CHRM1: variants seen among roughly 807,000 people sequenced by gnomAD.
CHRM1 encodes the protein cholinergic receptor muscarinic 1.
Under a neutral mutation model 31.6 loss-of-function variants are expected in CHRM1, and 5 were observed. The observed-to-expected ratio is 0.16, with a 90% CI of 0.08 to 0.33. The LOEUF (loss-of-function observed/expected upper bound fraction) is 0.33, where lower values mean the gene tolerates loss of function less well. Ranked by LOEUF, CHRM1 falls within the 10% of genes least tolerant of loss-of-function variation. The pLI is 1.00. For synonymous variants in CHRM1, 227 were observed against 249.7 expected, an observed-to-expected ratio of 0.91 and a Z score of 0.86; for missense variants, 338 against 610.3, an observed-to-expected ratio of 0.55 and a Z score of 4.70.
At position 62,910,423 on chromosome 11, in the gene CHRM1, C is replaced by T. The variant is rs2085864448; in HGVS notation, c.678G>A (p.Gln226=). 2 of 1,613,072 alleles carry T rather than the reference C, an allele frequency of 1.2e-6. No homozygotes were observed. The highest frequency in any genetic ancestry group is 2.7e-5 in the African/African-American group (2 of 74,940). ...ENRARELAAL[Q]GSETPGKGGG... ...CCCCTTTGCCTGGCGTCTCGGAGCC[C>T]TGAAGGGCTGCCAGCTCCCGTGCTC... The change falls in exon 2 of 2, where the codon CAG becomes CAA. Residue 226 remains glutamine, a synonymous_variant. Transcript: ENST00000306960. This position sits in a 1 kb window ranked among gnomAD's most constrained non-coding sequence, Gnocchi z 8.7.
intron 1 of CHRM1, among the ~76,000 whole-genome samples, chr11:62,913,594 C>G (rs940015967): frequency 2.0e-5 from 3 of 151,670 alleles, no homozygotes; most frequent in African/African-American, 7.3e-5. Flanking sequence ...TTGCTTGAAC[C>G]CAGGAAGCAG....
intron 1 of CHRM1, among the ~76,000 whole-genome samples, chr11:62,919,047 G>A (rs1292157054): frequency 1.3e-5 from 2 of 151,992 alleles, no homozygotes; most frequent in Non-Finnish European, 2.9e-5. Flanking sequence ...GGGGGCTGTG[G>A]GGTTGGGCAC....
Position 62,910,366 on chromosome 11 carries a change from C to T in CHRM1, c.735G>A (p.Gln245=), listed in dbSNP as rs2085863648. ...GGSSSSSERS[Q]PGAEGSPETP... Reference sequence around the variant, plus strand: ...TCTCTGGTGAGCCCTCAGCCCCTGGCTGAGACCTCTCTGAGCTGCTGCTGC... The same window carrying T: ...TCTCTGGTGAGCCCTCAGCCCCTGGTTGAGACCTCTCTGAGCTGCTGCTGC... Residue 245 remains glutamine, a synonymous_variant, in exon 2 of 2, where the codon CAG becomes CAA. Coordinates refer to ENST00000306960, the MANE Select transcript of CHRM1 (RefSeq NM_000738.3). The surrounding 1 kb of genome is among the most constrained non-coding windows in gnomAD (Gnocchi z 8.7). 1 of 1,609,924 alleles carries T rather than the reference C, an allele frequency of 6.2e-7. No homozygotes were observed. The highest frequency in any genetic ancestry group is 8.5e-7 in the Non-Finnish European group (1 of 1,180,000).
rs2085870097 is a variant in CHRM1, at chr11:62,911,311, C to T, written c.-78-133G>A. The T allele has an allele frequency of 2.3e-5, 13 of 577,598 alleles. No homozygotes were observed. In the South Asian group the frequency reaches 3.0e-4, roughly 13 times the overall value. The allele number at this position is 577,598 out of a possible 1,614,324, so 35.8% of individuals were successfully genotyped here. A position where few individuals can be genotyped will look rare whatever the true frequency, so the allele number is the denominator to read the frequency against. On this transcript the variant is annotated intron_variant, in intron 1 of 1. Coordinates refer to ENST00000306960, the MANE Select transcript of CHRM1 (RefSeq NM_000738.3). ...ATAGCATCACCCTCCCTTACCGGTG[C>T]CCACTCATGGTCATTTATCATGCAC...
rs2085867370 is a variant in CHRM1, at chr11:62,910,924, G to A, written c.177C>T (p.Val59=). ...CCAGGCTCAGCAGGAAGTAGTTATT[G>A]ACTGTCTTGAGCTCCGTGTTGACCT... ...SFKVNTELKT[V]NNYFLLSLAC... The change falls in exon 2 of 2, where the codon GTC becomes GTT. Residue 59 remains valine (V), a synonymous_variant. Coordinates refer to ENST00000306960, the MANE Select transcript of CHRM1 (RefSeq NM_000738.3). The surrounding 1 kb of genome is among the most constrained non-coding windows in gnomAD (Gnocchi z 8.7). 2 of 1,614,078 alleles carry A rather than the reference G, an allele frequency of 1.2e-6. No individual in the cohort carries two copies. Among genetic ancestry groups the A allele is most frequent in the Non-Finnish European group, 1.7e-6 (2 of 1,180,044 alleles).
At chr11:62,914,063 T>C (rs576708188) in intron 1 of CHRM1, among the ~76,000 whole-genome samples, 2 of 152,122 alleles carry the variant, frequency 1.3e-5, no homozygotes, top group Non-Finnish European at 2.9e-5. Context: ...TGCCTCAGCC[T>C]CCTGAGTAGC....
In CHRM1 at chr11:62,909,644, A is replaced by G. The variant is rs1343303751; in HGVS notation, c.*74T>C. The G allele has an allele frequency of 6.5e-7, 1 of 1,527,390 alleles. No homozygotes were observed. Among genetic ancestry groups the G allele is most frequent in the East Asian group, 2.3e-5 (1 of 44,400 alleles). The allele number at this position is 1,527,390 out of a possible 1,614,324, so 94.6% of individuals were successfully genotyped here. ...AGGCCTGAGCAGGGCCCTGGGGCTGAGGATGCAGCCCCTGCCCTCTTCCCA... is the reference window on the plus strand; with the variant it reads ...AGGCCTGAGCAGGGCCCTGGGGCTGGGGATGCAGCCCCTGCCCTCTTCCCA... On this transcript the variant is annotated 3_prime_UTR_variant, in exon 2 of 2. Coordinates refer to ENST00000306960, the MANE Select transcript of CHRM1 (RefSeq NM_000738.3).
intron 1 of CHRM1, among the ~76,000 whole-genome samples, chr11:62,912,061 C>T (rs1469291681): frequency 2.0e-5 from 3 of 152,104 alleles, no homozygotes; most frequent in African/African-American, 7.2e-5. Context: ...CTCAGACACT[C>T]AGTTGCTAGT....
Position 62,910,623 on chromosome 11 carries a change from C to T in CHRM1, c.478G>A (p.Ala160Thr). Residue 160 changes from alanine to threonine, a missense_variant, in exon 2 of 2, where the codon GCC becomes ACC. This residue lies in a region of CHRM1 where 85 missense variants were observed against 257.7 expected (regional missense o/e 0.33). Coordinates refer to ENST00000306960, the MANE Select transcript of CHRM1 (RefSeq NM_000738.3). This position sits in a 1 kb window ranked among gnomAD's most constrained non-coding sequence, Gnocchi z 8.7. The part of the protein sequence containing the change: ...WLVSFVLWAP[A>T]ILFWQYLVGE... Reference sequence around the variant, plus strand: ...ACCAGGTACTGCCAGAAGAGGATGGCTGGGGCCCAGAGCACAAAGGAAACC... The same window carrying T: ...ACCAGGTACTGCCAGAAGAGGATGGTTGGGGCCCAGAGCACAAAGGAAACC... 6.2e-7 allele frequency: 1 copy of T among 1,614,172 alleles called. No individual in the cohort carries two copies. The highest frequency in any genetic ancestry group is 8.5e-7 in the Non-Finnish European group (1 of 1,180,026).
intron 1 of CHRM1, among the ~76,000 whole-genome samples, chr11:62,920,072 C>A (rs1476463698): frequency 6.6e-6 from 1 of 152,222 alleles, no homozygotes; most frequent in African/African-American, 2.4e-5. Context: ...CATATCTCAG[C>A]CGCGATAGCG....
chr11:62,917,721 G>A (rs2135047598), intron 1 of CHRM1, among the ~76,000 whole-genome samples: 1 of 152,272 alleles, frequency 6.6e-6, no homozygotes, highest in South Asian at 2.1e-4. Context: ...CTCCAGGACT[G>A]TGGCCTCCTG....
At position 62,909,844 on chromosome 11, in the gene CHRM1, T is replaced by C; in HGVS notation, c.1257A>G (p.Ala419=). ...VNSTINPMCY[A]LCNKAFRDTF... is the part of the protein sequence containing the mutation. ...TGTCCCGGAAGGCTTTGTTGCAGAG[T>C]GCGTAGCACATGGGGTTGATGGTGC... is the stretch of plus-strand genomic sequence containing the variant. The change falls in exon 2 of 2, where the codon GCA becomes GCG. Residue 419 remains alanine (A), a synonymous_variant. Transcript: ENST00000306960. The C allele has an allele frequency of 1.2e-6, 2 of 1,614,092 alleles. No homozygotes were observed. Among genetic ancestry groups the C allele is most frequent in the South Asian group, 1.1e-5 (1 of 91,080 alleles).
chr11:62,910,073 G>A lies in CHRM1; in HGVS notation c.1028C>T (p.Pro343Leu). ...CTTGGCCAGCTGCTCCTTTCCACGG[G>A]GCTTCTGGCCCTTGCCAGCTCGATC... is the stretch of plus-strand genomic sequence containing the variant. Reference protein sequence around the residue: ...GRDRAGKGQKPRGKEQLAKRK... With the variant: ...GRDRAGKGQKLRGKEQLAKRK... The change falls in exon 2 of 2, where the codon CCC (proline) becomes CTC (leucine). Residue 343 changes from proline (P) to leucine (L), a missense_variant. Physicochemically the swap from Pro to Leu is moderately conservative, Grantham distance 98. Transcript: ENST00000306960. This position sits in a 1 kb window ranked among gnomAD's most constrained non-coding sequence, Gnocchi z 8.7. The A allele has an allele frequency of 6.2e-7, 1 of 1,613,170 alleles. No individual in the cohort carries two copies. Among genetic ancestry groups the A allele is most frequent in the Admixed American group, 1.7e-5 (1 of 60,000 alleles).
At chr11:62,913,612 G>C (rs898574385) in intron 1 of CHRM1, among the ~76,000 whole-genome samples, 1 of 151,512 alleles carries the variant, frequency 6.6e-6, no homozygotes, top group Non-Finnish European at 1.5e-5. Flanking sequence ...CAGAGGTTGT[G>C]GTGAGCCAAG....
intron 1 of CHRM1, among the ~76,000 whole-genome samples, chr11:62,913,060 G>T (rs917703587): frequency 6.6e-6 from 1 of 151,756 alleles, no homozygotes; most frequent in African/African-American, 2.4e-5. Context: ...GTGTGTGCTT[G>T]TGTGTCTGGG....
upstream of CHRM1, chr11:62,921,818 C>T (rs944548594): frequency 2.0e-5 from 3 of 152,262 alleles, no homozygotes; most frequent in African/African-American, 7.3e-5. Flanking sequence ...GCCCACGCAC[C>T]CACCCACCCA....
intron 1 of CHRM1, among the ~76,000 whole-genome samples, chr11:62,917,720 T>C (rs1197993804): frequency 6.6e-6 from 1 of 152,176 alleles, no homozygotes; most frequent in Non-Finnish European, 1.5e-5. Flanking sequence ...TCTCCAGGAC[T>C]GTGGCCTCCT....
intron 1 of CHRM1, among the ~76,000 whole-genome samples, chr11:62,913,615 G>A (rs1157747504): frequency 6.6e-6 from 1 of 150,852 alleles, no homozygotes; most frequent in Non-Finnish European, 1.5e-5. Context: ...AGGTTGTGGT[G>A]AGCCAAGATT....
chr11:62,913,937 A>G (rs1250182995), intron 1 of CHRM1, among the ~76,000 whole-genome samples: 1 of 137,620 alleles, frequency 7.3e-6, no homozygotes. Context: ...TATTGTCTCC[A>G]TTTTCTTTTT....
Sources: gnomAD v4.1 joint callset for allele counts (sites outside exome capture counted in the v4.1 genomes callset) on GRCh38, gnomAD v4.1.1 for gene constraint, gnomAD v4.1.1 regional missense constraint, Gnocchi (gnomAD v3.1) non-coding constraint, MANE v1.5 for transcripts, NCBI Gene and HGNC (gene_info 2026-07-23, HGNC 2026-07-21) for gene names.